FARS2: variants seen among roughly 807,000 people sequenced by gnomAD.
FARS2 encodes phenylalanine--tRNA ligase, mitochondrial.
FARS2 carries 40 observed loss-of-function variants against 46.4 expected under a neutral mutation model. The ratio of observed to expected loss-of-function variants is 0.86; its 90% CI spans 0.67 to 1.12. The LOEUF is 1.12. Among genes scored for constraint, FARS2 ranks in the 50% most tolerant of loss-of-function variants. FARS2 has a pLI of 0.00. For missense variants in FARS2, 513 were observed against 567.9 expected (o/e 0.90, Z 0.98); for synonymous variants, 234 against 214.9 (o/e 1.09, Z -0.78).
intron 6 of FARS2, among the ~76,000 whole-genome samples, chr6:5,633,362 G>A (rs56034806): frequency 0.026 from 3,455 of 132,238 alleles, 101 homozygotes; most frequent in African/African-American, 0.068. Context: ...TGCAACCTCC[G>A]CTTCCTGGGT....
chr6:5,489,835 TG>T (rs1455784015), intron 4 of FARS2, among the ~76,000 whole-genome samples: 2 of 152,234 alleles, frequency 1.3e-5, no homozygotes, highest in Non-Finnish European at 2.9e-5. Context: ...TTTATAAAAT[TG>T]TAATAAATTG....
intron 3 of FARS2, among the ~76,000 whole-genome samples, chr6:5,418,427 A>T (rs1762361530): frequency 1.3e-5 from 2 of 152,110 alleles, no homozygotes; most frequent in African/African-American, 2.4e-5. Context: ...TCGTCTGGGG[A>T]TAGTTTTGCC....
intron 6 of FARS2, among the ~76,000 whole-genome samples, chr6:5,684,749 G>C (rs1350858654): frequency 6.6e-6 from 1 of 152,164 alleles, no homozygotes; most frequent in Non-Finnish European, 1.5e-5. Flanking sequence ...ATGTTGAAAG[G>C]ACAATTTAGG....
chr6:5,314,642 A>T (rs889727048), intron 1 of FARS2, among the ~76,000 whole-genome samples: 1 of 152,100 alleles, frequency 6.6e-6, no homozygotes, highest in African/African-American at 2.4e-5. Context: ...ATGATTAATC[A>T]TCTTATAGCT....
intron 1 of FARS2, among the ~76,000 whole-genome samples, chr6:5,264,626 T>A (rs1305775788): frequency 6.6e-6 from 1 of 152,034 alleles, no homozygotes; most frequent in Non-Finnish European, 1.5e-5. Context: ...AGGCTTTTCT[T>A]GAACTCCTGA....
chr6:5,620,898 T>C (rs1216057133), intron 6 of FARS2, among the ~76,000 whole-genome samples: 1 of 152,268 alleles, frequency 6.6e-6, no homozygotes, highest in Non-Finnish European at 1.5e-5. Context: ...TATATGTCAG[T>C]AGGTTTACTG....
At chr6:5,316,272 G>A (rs1396232065) in intron 1 of FARS2, among the ~76,000 whole-genome samples, 3 of 152,194 alleles carry the variant, frequency 2.0e-5, no homozygotes, top group African/African-American at 7.2e-5. Context: ...AGTACTTTAA[G>A]ACAGCATGTT....
intron 2 of FARS2, among the ~76,000 whole-genome samples, chr6:5,394,854 G>A (rs75482078): frequency 0.023 from 3,459 of 151,840 alleles, 128 homozygotes; most frequent in African/African-American, 0.079. Context: ...AACTTTTGAC[G>A]TCACACTCAT....
At chr6:5,710,884 C>T (rs116450728) in intron 6 of FARS2, among the ~76,000 whole-genome samples, 75 of 152,200 alleles carry the variant, frequency 4.9e-4, no homozygotes, top group African/African-American at 1.7e-3. Flanking sequence ...CCAGCAGCCG[C>T]GGGAGGATGA....
In FARS2 at chr6:5,732,403, T is replaced by A. The variant is rs139935103; in HGVS notation, c.1218-38888T>A. Among the ~76,000 whole-genome samples the A allele has an allele frequency of 6.6e-3, 1,011 of 152,274 alleles. 9 individuals are homozygous for A. Among genetic ancestry groups the A allele is most frequent in the Non-Finnish European group, 0.011 (720 of 68,014 alleles). On this transcript the variant is annotated intron_variant, in intron 6 of 6. Transcript: ENST00000274680. ...CTTGGGAAAGCCTCACAGTCGGGCC[T>A]GGCACGTAGCAAGCATGCAACACCT...
chr6:5,738,927 C>T (rs143351591), intron 6 of FARS2, among the ~76,000 whole-genome samples: 5 of 152,260 alleles, frequency 3.3e-5, no homozygotes, highest in Middle Eastern at 3.4e-3. Context: ...ACAGCCAGCG[C>T]AGCCTGGACA....
intron 6 of FARS2, among the ~76,000 whole-genome samples, chr6:5,726,575 A>G (rs9405867): frequency 0.92 from 139,842 of 152,274 alleles, 64,336 homozygotes; most frequent in East Asian, 1. Flanking sequence ...TTCCTTTAAT[A>G]TTTCTGCAAT....
chr6:5,381,386 C>CAT, intron 2 of FARS2, among the ~76,000 whole-genome samples: 1 of 127,674 alleles, frequency 7.8e-6, no homozygotes, highest in Non-Finnish European at 1.6e-5. Context: ...CACACACACA[C>CAT]ACACACACAC....
At chr6:5,639,688 G>A (rs1776714327) in intron 6 of FARS2, among the ~76,000 whole-genome samples, 2 of 152,150 alleles carry the variant, frequency 1.3e-5, no homozygotes, top group Admixed American at 1.3e-4. Context: ...AGTCAGCTAA[G>A]AACAGTGCCA....
intron 5 of FARS2, among the ~76,000 whole-genome samples, chr6:5,549,221 G>A (rs1378127615): frequency 6.6e-6 from 1 of 150,832 alleles, no homozygotes; most frequent in Non-Finnish European, 1.5e-5. Flanking sequence ...TAGGGTACAT[G>A]TGCACAACGT....
chr6:5,317,448 TCA>T (rs1225835240), intron 1 of FARS2, among the ~76,000 whole-genome samples: 3 of 152,160 alleles, frequency 2.0e-5, no homozygotes, highest in African/African-American at 7.2e-5. Flanking sequence ...CTTCTGCAGC[TCA>T]GACTCTGAGT....
intron 5 of FARS2, among the ~76,000 whole-genome samples, chr6:5,548,045 G>A (rs1057127951): frequency 5.3e-5 from 8 of 152,232 alleles, no homozygotes; most frequent in South Asian, 2.1e-4. Context: ...TGGGCGAAAG[G>A]CACTTCTTAC....
intron 1 of FARS2, among the ~76,000 whole-genome samples, chr6:5,312,644 T>G (rs1271751955): frequency 6.6e-6 from 1 of 152,214 alleles, no homozygotes; most frequent in Non-Finnish European, 1.5e-5. Context: ...TGCCTTCTGT[T>G]CTGGGCTCTT....
At position 5,698,082 on chromosome 6, in the gene FARS2, A is replaced by G. The variant is rs1290498605; in HGVS notation, c.1218-73209A>G. 4.0e-4 allele frequency among the ~76,000 whole-genome samples: 61 copies of G among 152,206 alleles called. 1 individual carries two copies. The highest frequency in any genetic ancestry group is 4.0e-3 in the Admixed American group (61 of 15,276). On this transcript the variant is annotated intron_variant, in intron 6 of 6. Transcript: ENST00000274680. ...AAGGGAAGAAAAGATAAAGCACCAC[A>G]GCCAGCAGCACTGATTTAGGAAATA...
Sources: gnomAD v4.1 joint callset for allele counts (sites outside exome capture counted in the v4.1 genomes callset) on GRCh38, gnomAD v4.1.1 for gene constraint, MANE v1.5 for transcripts, NCBI Gene and HGNC (gene_info 2026-07-23, HGNC 2026-07-21) for gene names.